The following TMPRSS6 variants were observed in gnomAD, a reference collection of about 807,000 sequenced individuals.
TMPRSS6 encodes the protein transmembrane protease serine 6.
Under a neutral mutation model 101.5 loss-of-function variants are expected in TMPRSS6, and 67 were observed. The observed-to-expected ratio is 0.66, with a 90% CI of 0.54 to 0.81. The LOEUF (loss-of-function observed/expected upper bound fraction) is 0.81, where lower values mean the gene tolerates loss of function less well. Ranked by LOEUF, TMPRSS6 falls within the 30% of genes least tolerant of loss-of-function variation. The pLI is 0.00. For synonymous variants in TMPRSS6, 453 were observed against 464.9 expected, an observed-to-expected ratio of 0.97 and a Z score of 0.33; for missense variants, 1,034 against 1,088.7, an observed-to-expected ratio of 0.95 and a Z score of 0.71.
rs781776157 is a variant in TMPRSS6 at position 37,066,032 on chromosome 22, GCTCT to G, written c.*44_*47del. ...TCCCCCTGCTTGGCAGTTGCCCTGG[GCTCT>G]CTGAGTCCAGGAGGTGGGCCCTGCT... On this transcript the variant is annotated 3_prime_UTR_variant, in exon 18 of 18. Coordinates refer to ENST00000676104, the MANE Select transcript of TMPRSS6 (RefSeq NM_001374504.1). The G allele has an allele frequency of 1.9e-6, 3 of 1,610,714 alleles. No individual in the cohort carries two copies. The highest frequency in any genetic ancestry group is 2.5e-6 in the Non-Finnish European group (3 of 1,178,066).
chr22:37,074,782 G>C, intron 11 of TMPRSS6, 74 bp from the exon 12 acceptor site: 1 of 1,473,364 alleles, frequency 6.8e-7, no homozygotes, highest in East Asian at 2.3e-5. Flanking sequence ...GGCGCACAAA[G>C]ACACGCATGC....
chr22:37,069,124 CGAA>C lies in TMPRSS6; in HGVS notation c.2059_2061del (p.Phe687del). ...GTAATCCAGCAGTGCAGGCCGGGCT[CGAA>C]GAAGTGGGAGCGCGCGGGCAGGCAG... On this transcript the variant is annotated inframe_deletion, in exon 16 of 18. Coordinates refer to ENST00000676104, the MANE Select transcript of TMPRSS6 (RefSeq NM_001374504.1). The surrounding 1 kb of genome is among the most constrained non-coding windows in gnomAD (Gnocchi z 4.8). 5.8e-6 allele frequency: 9 copies of C among 1,564,628 alleles called. No homozygotes were observed. Among genetic ancestry groups the C allele is most frequent in the South Asian group, 1.2e-5 (1 of 85,976 alleles).
chr22:37,068,540 G>A (rs1304224336), intron 16 of TMPRSS6: 3 of 773,246 alleles, frequency 3.9e-6, no homozygotes, highest in Non-Finnish European at 4.8e-6. Context: ...GCAGTAGCAG[G>A]AAGAGCAGGG....
chr22:37,072,563 GGATGGATGGATGGAT>G (rs1253741994), intron 13 of TMPRSS6, among the ~76,000 whole-genome samples: 9 of 119,250 alleles, frequency 7.5e-5, no homozygotes, highest in East Asian at 2.2e-4. Context: ...GATGGATGAT[GGATGGATGGATGGAT>G]GATGGATGGA....
chr22:37,096,130 T>C (rs1929743771), intron 4 of TMPRSS6, 40 bp from the exon 5 acceptor site: 1 of 1,610,562 alleles, frequency 6.2e-7, no homozygotes, highest in African/African-American at 1.3e-5. Context: ...GGAAGGATTC[T>C]GAGGTCTGGC....
Position 37,103,282 on chromosome 22 carries a change from G to A in TMPRSS6, c.136C>T (p.Pro46Ser), listed in dbSNP as rs779324079. The change falls in exon 2 of 18, where the codon CCC becomes TCC. Residue 46 changes from proline (P) to serine (S), a missense_variant. By Grantham distance (74) the Pro-to-Ser change is moderately conservative. Transcript: ENST00000676104. This position sits in a 1 kb window ranked among gnomAD's most constrained non-coding sequence, Gnocchi z 4.4. ...RKARGYLRLV[P>S]LFVLLALLVL... is the part of the protein sequence containing the mutation. ...AGCAGGGCCAGCAGCACAAACAGGGGCACCAGGCGGAGGTAGCCCCGGGCT... is the reference window on the plus strand; with the variant it reads ...AGCAGGGCCAGCAGCACAAACAGGGACACCAGGCGGAGGTAGCCCCGGGCT... 5.0e-6 allele frequency: 8 copies of A among 1,614,146 alleles called. No individual in the cohort carries two copies. The East Asian group carries it at 1.6e-4, about 31-fold the overall frequency.
At chr22:37,110,408 C>T (rs1486361280), upstream of TMPRSS6, among the ~76,000 whole-genome samples, 3 of 151,946 alleles carry the variant, frequency 2.0e-5, no homozygotes, top group Admixed American at 6.6e-5. Context: ...CCTCCCAAAA[C>T]GCTAGGATTA....
intron 13 of TMPRSS6, among the ~76,000 whole-genome samples, chr22:37,072,742 CGGAT>C (rs556556999): frequency 0.03 from 1,687 of 55,618 alleles, 29 homozygotes; most frequent in Non-Finnish European, 0.041. Context: ...GGATGATGGA[CGGAT>C]GGATGGATGG....
Position 37,095,567 on chromosome 22 carries a change from T to C in TMPRSS6, c.615A>G (p.Ala205=). ...ATAGCGTACCCAGCGTGGAATTCAA[T>C]GCAGCTATGTCTTTCACACTGGCTT... ...ILEASVKDIA[A]LNSTLGCYRY... Residue 205 remains alanine, a synonymous_variant, in exon 6 of 18, where the codon GCA becomes GCG. Coordinates refer to ENST00000676104, the MANE Select transcript of TMPRSS6 (RefSeq NM_001374504.1). The C allele has an allele frequency of 6.2e-7, 1 of 1,609,114 alleles. No individual in the cohort carries two copies. Among genetic ancestry groups the C allele is most frequent in the Non-Finnish European group, 8.5e-7 (1 of 1,179,338 alleles).
At chr22:37,082,878 T>A (rs1928377408) in intron 10 of TMPRSS6, 15 of 442,008 alleles carry the variant, frequency 3.4e-5, no homozygotes, top group South Asian at 2.0e-4. Flanking sequence ...TTAATCCTAG[T>A]CCCAGATAAA....
chr22:37,103,641 G>C lies in TMPRSS6; in HGVS notation c.-1-223C>G. The stretch of plus-strand genomic sequence containing the variant: ...GAGGGCAGGCACCAGAGCTGGACTG[G>C]GTCTGGCTCAAGAACCCCACCTTTG... On this transcript the variant is annotated intron_variant, in intron 1 of 17. Transcript: ENST00000676104. The surrounding 1 kb of genome is among the most constrained non-coding windows in gnomAD (Gnocchi z 4.4). 2 of 1,563,150 alleles carry C rather than the reference G, an allele frequency of 1.3e-6. No homozygotes were observed. The highest frequency in any genetic ancestry group is 2.2e-5 in the East Asian group (1 of 44,652).
chr22:37,076,026 AAGAG>A (rs967343112), intron 10 of TMPRSS6, among the ~76,000 whole-genome samples: 10 of 149,026 alleles, frequency 6.7e-5, no homozygotes, highest in Admixed American at 4.6e-4. Flanking sequence ...AAGAAAGAGA[AAGAG>A]AAAGAAAGAA....
At chr22:37,094,382 G>GATAT (rs920680856) in intron 6 of TMPRSS6, among the ~76,000 whole-genome samples, 2 of 43,956 alleles carry the variant, frequency 4.6e-5, no homozygotes, top group Non-Finnish European at 9.5e-5. Context: ...AATGATTGAT[G>GATAT]ATAGATAGAT....
chr22:37,069,061 C>G lies in TMPRSS6; in HGVS notation c.2113+12G>C, dbSNP rs1197922414. The G allele has an allele frequency of 6.5e-7, 1 of 1,537,628 alleles. No individual in the cohort carries two copies. The highest frequency in any genetic ancestry group is 8.7e-7 in the Non-Finnish European group (1 of 1,147,580). On this transcript the variant is annotated intron_variant, in intron 16 of 17. Transcript: ENST00000676104. This position sits in a 1 kb window ranked among gnomAD's most constrained non-coding sequence, Gnocchi z 4.8. ...CTCCCTCCGCCTCCCGCCGCAAGTCCCCGCTGCTCACCGCCCTCGCGCAAG... is the reference window on the plus strand; with the variant it reads ...CTCCCTCCGCCTCCCGCCGCAAGTCGCCGCTGCTCACCGCCCTCGCGCAAG...
chr22:37,096,575 GC>G, intron 4 of TMPRSS6, 72 bp downstream of exon 4: 1 of 1,481,050 alleles, frequency 6.8e-7, no homozygotes, highest in Non-Finnish European at 9.2e-7. Context: ...TGCATCAGAA[GC>G]CTACAGAGGC....
chr22:37,072,082 T>C (rs1374698877), intron 13 of TMPRSS6, among the ~76,000 whole-genome samples: 3 of 146,840 alleles, frequency 2.0e-5, no homozygotes, highest in African/African-American at 7.7e-5. Flanking sequence ...GGATGATGGA[T>C]GGATGGATGA....
Position 37,103,771 on chromosome 22 carries a change from G to C in TMPRSS6, c.-1-353C>G. 1 of 629,454 alleles carries C rather than the reference G, an allele frequency of 1.6e-6. No individual in the cohort carries two copies. 39.0% of individuals were successfully genotyped at this position (629,454 alleles called of 1,614,324 possible). ...CACAGACAGAACTGAAGTACATGGG[G>C]TGCAGACTTCTGTAGACATCTGACC... On this transcript the variant is annotated intron_variant, in intron 1 of 17. Coordinates refer to ENST00000676104, the MANE Select transcript of TMPRSS6 (RefSeq NM_001374504.1). This position sits in a 1 kb window ranked among gnomAD's most constrained non-coding sequence, Gnocchi z 4.4.
intron 4 of TMPRSS6, among the ~76,000 whole-genome samples, 164 bp downstream of exon 4, chr22:37,096,484 G>A (rs1446006988): frequency 6.6e-6 from 1 of 152,156 alleles, no homozygotes; most frequent in Non-Finnish European, 1.5e-5. Flanking sequence ...CTACAGATGA[G>A]CCCAGTGAAG....
At chr22:37,076,137 G>C (rs1162109557) in intron 10 of TMPRSS6, among the ~76,000 whole-genome samples, 1 of 152,074 alleles carries the variant, frequency 6.6e-6, no homozygotes, top group African/African-American at 2.4e-5. Flanking sequence ...CTGACAAAAG[G>C]CTTCAATGTG....
Sources: gnomAD v4.1 joint callset for allele counts (sites outside exome capture counted in the v4.1 genomes callset) on GRCh38, gnomAD v4.1.1 for gene constraint, Gnocchi (gnomAD v3.1) non-coding constraint, MANE v1.5 for transcripts, NCBI Gene and HGNC (gene_info 2026-07-23, HGNC 2026-07-21) for gene names.